The following SMARCC1 variants were observed in gnomAD, a reference collection of about 807,000 sequenced individuals.
SMARCC1 encodes SWI/SNF related BAF chromatin remodeling complex subunit C1.
Under a neutral mutation model 147.4 loss-of-function variants are expected in SMARCC1, and 43 were observed. The observed-to-expected ratio is 0.29, with a 90% confidence interval of 0.23 to 0.38. The LOEUF is 0.38. Among genes scored for constraint, SMARCC1 ranks in the 10% least tolerant of loss-of-function variants. The pLI, the probability that SMARCC1 is intolerant of heterozygous loss-of-function variation, is 1.00. For synonymous variants in SMARCC1, 495 were observed against 484.4 expected (o/e 1.02, Z -0.29); for missense variants, 1,119 against 1,381.1 (o/e 0.81, Z 3.01).
intron 11 of SMARCC1, among the ~76,000 whole-genome samples, chr3:47,696,588 G>A (rs905598173): frequency 1.3e-5 from 2 of 150,170 alleles, no homozygotes; most frequent in East Asian, 2.0e-4. Context: ...GTGCAATCTC[G>A]GCTCACTGCA....
Position 47,588,232 on chromosome 3 carries a change from G to C in SMARCC1, c.3295C>G (p.Pro1099Ala), listed in dbSNP as rs1490120318. The part of the protein sequence containing the change: ...DGVPPPPAPG[P>A]PASAAP ...GGCTAAGGAGCAGCTGAGGCTGGCG[G>C]GCCAGGAGCAGGAGGCGGAGGGACC... Residue 1099 changes from proline (P) to alanine (A), a missense_variant, in exon 28 of 28, where the codon CCG (proline) becomes GCG (alanine). Pro to Ala is a conservative substitution (Grantham distance 27). Around this residue, in one of 6 missense-constraint regions of SMARCC1, gnomAD observed 186 missense variants for 216.5 expected, o/e 0.86. Transcript: ENST00000254480. 1.9e-6 allele frequency: 3 copies of C among 1,613,816 alleles called. No homozygotes were observed. Among genetic ancestry groups the C allele is most frequent in the Non-Finnish European group, 2.5e-6 (3 of 1,179,838 alleles).
chr3:47,631,548 A>C (rs1454656491), intron 24 of SMARCC1, among the ~76,000 whole-genome samples: 2 of 152,302 alleles, frequency 1.3e-5, no homozygotes, highest in African/African-American at 4.8e-5. Context: ...TTCTGCTTAC[A>C]CCCACACACC....
chr3:47,653,520 G>A (rs1397315831), intron 21 of SMARCC1, among the ~76,000 whole-genome samples: 2 of 152,098 alleles, frequency 1.3e-5, no homozygotes, highest in Non-Finnish European at 2.9e-5. Context: ...ATATCACTCG[G>A]TTTCAAATCA....
At chr3:47,780,237 T>C (rs1163187395) in intron 1 of SMARCC1, among the ~76,000 whole-genome samples, 1 of 123,602 alleles carries the variant, frequency 8.1e-6, no homozygotes, top group Non-Finnish European at 1.6e-5. Flanking sequence ...AATGGTGCAA[T>C]CTCGGCTCAC....
intron 2 of SMARCC1, among the ~76,000 whole-genome samples, chr3:47,761,448 A>G (rs1163760188): frequency 6.6e-6 from 1 of 151,998 alleles, no homozygotes; most frequent in Non-Finnish European, 1.5e-5. Flanking sequence ...TATGGTAAAT[A>G]ATGGTATTAT....
chr3:47,603,819 T>C (rs541737212), intron 26 of SMARCC1: 1 of 326,108 alleles, frequency 3.1e-6, no homozygotes, highest in South Asian at 2.5e-5. Context: ...GCCAACTGGA[T>C]ACCAGAAACA....
intron 13 of SMARCC1, among the ~76,000 whole-genome samples, chr3:47,687,407 T>C (rs904434122): frequency 2.0e-5 from 3 of 152,190 alleles, no homozygotes; most frequent in Non-Finnish European, 1.5e-5. Flanking sequence ...GAGGCTGGCA[T>C]TGCAATTAAT....
chr3:47,594,434 C>T (rs544476816), intron 26 of SMARCC1, among the ~76,000 whole-genome samples: 1 of 152,288 alleles, frequency 6.6e-6, no homozygotes, highest in South Asian at 2.1e-4. Flanking sequence ...GACCAACTGA[C>T]CATCATTAAT....
At chr3:47,679,734 T>C (rs1189431142) in intron 15 of SMARCC1, among the ~76,000 whole-genome samples, 15 of 151,776 alleles carry the variant, frequency 9.9e-5, no homozygotes, top group Admixed American at 6.6e-4. Flanking sequence ...TGGTGGTGCA[T>C]GCCTGTAGTC....
At chr3:47,670,826 T>C in intron 18 of SMARCC1, 109 bp from the exon 19 acceptor site, 1 of 744,856 alleles carries the variant, frequency 1.3e-6, no homozygotes, top group East Asian at 2.5e-5. Flanking sequence ...ACTATCATGG[T>C]AAGTCTTTGA....
At chr3:47,745,269 C>G (rs1367910520) in intron 3 of SMARCC1, among the ~76,000 whole-genome samples, 1 of 152,024 alleles carries the variant, frequency 6.6e-6, no homozygotes, top group African/African-American at 2.4e-5. Context: ...AAAAACAAAA[C>G]AAACAAACAA....
At chr3:47,619,109 T>G (rs1363394560) in intron 25 of SMARCC1, among the ~76,000 whole-genome samples, 1 of 152,114 alleles carries the variant, frequency 6.6e-6, no homozygotes, top group Non-Finnish European at 1.5e-5. Flanking sequence ...CTGTAGGACG[T>G]TTTCTCTGAT....
chr3:47,708,288 G>A (rs892154868), intron 9 of SMARCC1, among the ~76,000 whole-genome samples: 2 of 150,684 alleles, frequency 1.3e-5, no homozygotes, highest in African/African-American at 2.4e-5. Flanking sequence ...CTACAGTTGC[G>A]CACCACCATG....
chr3:47,622,300 T>C lies in SMARCC1; in HGVS notation c.2688A>G (p.Val896=), dbSNP rs755770734. 7.4e-6 allele frequency: 12 copies of C among 1,612,958 alleles called. No homozygotes were observed. The Admixed American group carries it at 2.0e-4, about 27-fold the overall frequency. The change falls in exon 25 of 28, where the codon GTA becomes GTG. Residue 896 remains valine, a synonymous_variant. Coordinates refer to ENST00000254480, the MANE Select transcript of SMARCC1 (RefSeq NM_003074.4). ...AVEERKIKSL[V]ALLVETQMKK... ...TCATTTGTGTCTCAACCAAGAGAGC[T>C]ACCAGGGACTTGATCTTTCTTTCTT...
At chr3:47,769,636 C>T (rs2034884073) in intron 2 of SMARCC1, among the ~76,000 whole-genome samples, 1 of 152,076 alleles carries the variant, frequency 6.6e-6, no homozygotes, top group Non-Finnish European at 1.5e-5. Flanking sequence ...TGTCCTTTTC[C>T]ACAGAAATAT....
At chr3:47,635,457 G>C in intron 23 of SMARCC1, 113 bp from the exon 24 acceptor site, 1 of 921,972 alleles carries the variant, frequency 1.1e-6, no homozygotes, top group Non-Finnish European at 1.7e-6. Context: ...AGATGTCAAT[G>C]CCTTTTTCTT....
rs574188059 is a variant in SMARCC1, at chr3:47,759,754, G to C, written c.315+13063C>G. 1.0e-3 allele frequency among the ~76,000 whole-genome samples: 151 copies of C among 151,282 alleles called. 3 individuals are homozygous for C. In the South Asian group the frequency reaches 0.03, roughly 30 times the overall value. ...GTTCAAGACCAGCCTGGCCAACATGGTGAAACCTCATCTCTACTAAAAATA... is the reference window on the plus strand; with the variant it reads ...GTTCAAGACCAGCCTGGCCAACATGCTGAAACCTCATCTCTACTAAAAATA... On this transcript the variant is annotated intron_variant, in intron 2 of 27. Coordinates refer to ENST00000254480, the MANE Select transcript of SMARCC1 (RefSeq NM_003074.4).
intron 5 of SMARCC1, among the ~76,000 whole-genome samples, chr3:47,734,484 T>C (rs1407799967): frequency 6.6e-6 from 1 of 152,200 alleles, no homozygotes; most frequent in Non-Finnish European, 1.5e-5. Flanking sequence ...GTAATCTCTT[T>C]TGCAGCAGGA....
chr3:47,762,513 T>C (rs773110724), intron 2 of SMARCC1, among the ~76,000 whole-genome samples: 19 of 152,234 alleles, frequency 1.2e-4, no homozygotes, highest in Non-Finnish European at 1.8e-4. Context: ...AAAATAGTAT[T>C]ATCCAGTTCA....
Sources: gnomAD v4.1 joint callset for allele counts (sites outside exome capture counted in the v4.1 genomes callset) on GRCh38, gnomAD v4.1.1 for gene constraint, gnomAD v4.1.1 regional missense constraint, MANE v1.5 for transcripts, NCBI Gene and HGNC (gene_info 2026-07-23, HGNC 2026-07-21) for gene names.